The following TM9SF2 variants were observed in gnomAD, a reference collection of about 807,000 sequenced individuals.
TM9SF2 encodes transmembrane 9 superfamily member 2, also known as 76 kDa membrane protein.
A neutral mutation model predicts 84.9 loss-of-function variants in TM9SF2; 13 were observed. That is an observed-to-expected ratio of 0.15 (90% CI 0.10 to 0.24). The LOEUF (loss-of-function observed/expected upper bound fraction) is 0.24. Ranked by LOEUF, TM9SF2 falls within the 10% of genes least tolerant of loss-of-function variation. TM9SF2 has a pLI of 1.00. For missense variants in TM9SF2, 562 were observed against 818.5 expected, an observed-to-expected ratio of 0.69 and a Z score of 3.82; for synonymous variants, 273 against 285.8, an observed-to-expected ratio of 0.96 and a Z score of 0.45.
In TM9SF2 at chr13:99,559,257, T is replaced by C. The variant is rs117186308; in HGVS notation, c.1753-106T>C. 4.6e-4 allele frequency: 432 copies of C among 940,496 alleles called. 5 individuals are homozygous for C. In the East Asian group the frequency reaches 0.012, roughly 26 times the overall value. 58.3% of individuals were successfully genotyped at this position (940,496 alleles called of 1,614,324 possible). A position where few individuals can be genotyped will look rare whatever the true frequency, so the allele number is the denominator to read the frequency against. ...AGAGCCTGGAACTGATAGCAGAAAT[T>C]AGATTGGGGGCTGTCTCATTTATTA... On this transcript the variant is annotated intron_variant, in intron 15 of 16. Transcript: ENST00000376387.
At position 99,563,204 on chromosome 13, in the gene TM9SF2, A is replaced by T. The variant is rs987428083; in HGVS notation, c.*446A>T. On this transcript the variant is annotated 3_prime_UTR_variant, in exon 17 of 17. Transcript: ENST00000376387. ...TTTATCATGGTAATTTTGAAGGATG[A>T]TTCCTATGATGTGTTCACCAGGGGA... 1 of 154,384 alleles carries T rather than the reference A, an allele frequency of 6.5e-6. No individual in the cohort carries two copies. Among genetic ancestry groups the T allele is most frequent in the Non-Finnish European group, 1.4e-5 (1 of 69,608 alleles). The allele number at this position is 154,384 out of a possible 1,614,324, so 9.6% of individuals were successfully genotyped here. A position where few individuals can be genotyped will look rare whatever the true frequency, so the allele number is the denominator to read the frequency against.
chr13:99,563,443 T>A lies in TM9SF2; in HGVS notation c.*685T>A, dbSNP rs1209916636. On this transcript the variant is annotated 3_prime_UTR_variant, in exon 17 of 17. Coordinates refer to ENST00000376387, the MANE Select transcript of TM9SF2 (RefSeq NM_004800.3). ...TTCAAGGAGGTTCTGTAAATACAGATCTATTTACCAAGGTGTTTTGAAATG... is the reference window on the plus strand; with the variant it reads ...TTCAAGGAGGTTCTGTAAATACAGAACTATTTACCAAGGTGTTTTGAAATG... 2 of 152,242 alleles carry A rather than the reference T, an allele frequency of 1.3e-5. No individual in the cohort carries two copies. The highest frequency in any genetic ancestry group is 2.9e-5 in the Non-Finnish European group (2 of 68,040). The allele number at this position is 152,242 out of a possible 1,614,324, so 9.4% of individuals were successfully genotyped here.
chr13:99,560,437 C>T (rs544721200), intron 16 of TM9SF2, among the ~76,000 whole-genome samples: 2 of 152,148 alleles, frequency 1.3e-5, no homozygotes, highest in African/African-American at 4.8e-5. Context: ...TGTCTTGGTG[C>T]TACGTGATAA....
chr13:99,534,879 G>A (rs2046227091), intron 4 of TM9SF2, among the ~76,000 whole-genome samples: 1 of 152,180 alleles, frequency 6.6e-6, no homozygotes, highest in Non-Finnish European at 1.5e-5. Flanking sequence ...GCCAGGCGTG[G>A]TGGCTCACAC....
At chr13:99,538,551 T>C (rs536637183) in intron 6 of TM9SF2, among the ~76,000 whole-genome samples, 4 of 152,070 alleles carry the variant, frequency 2.6e-5, no homozygotes, top group Admixed American at 2.0e-4. Flanking sequence ...TCTGAACACT[T>C]TGGGAAGGCC....
intron 15 of TM9SF2, among the ~76,000 whole-genome samples, chr13:99,559,056 G>A (rs2046334902): frequency 6.6e-6 from 1 of 152,120 alleles, no homozygotes; most frequent in East Asian, 1.9e-4. Context: ...TTTGCACATC[G>A]CTTTTCTTTG....
At chr13:99,554,193 C>T in intron 13 of TM9SF2, 111 bp from the exon 14 acceptor site, 1 of 1,281,990 alleles carries the variant, frequency 7.8e-7, no homozygotes, top group South Asian at 1.5e-5. Flanking sequence ...ACTTTATTGC[C>T]ATTAGTGACA....
At chr13:99,544,023 A>G (rs753638220) in intron 10 of TM9SF2, 28 bp downstream of exon 10, 1 of 1,608,888 alleles carries the variant, frequency 6.2e-7, no homozygotes, top group Non-Finnish European at 8.5e-7. Context: ...ATTTTCAAGT[A>G]GAAAATACTT....
rs189326351 is a variant in TM9SF2, at chr13:99,529,200, G to C, written c.334-267G>C. 2.2e-3 allele frequency among the ~76,000 whole-genome samples: 337 copies of C among 152,008 alleles called. 1 individual carries two copies. Among genetic ancestry groups the C allele is most frequent in the Admixed American group, 3.4e-3 (52 of 15,268 alleles). ...ACATGGGATTTTTTTTTCTCTTCTAGAACTTATTTACATTTAAAAGGTAAG... is the reference window on the plus strand; with the variant it reads ...ACATGGGATTTTTTTTTCTCTTCTACAACTTATTTACATTTAAAAGGTAAG... On this transcript the variant is annotated intron_variant, in intron 3 of 16. Coordinates refer to ENST00000376387, the MANE Select transcript of TM9SF2 (RefSeq NM_004800.3).
chr13:99,539,371 A>G (rs1469584052), intron 6 of TM9SF2, 75 bp from the exon 7 acceptor site: 3 of 894,088 alleles, frequency 3.4e-6, no homozygotes, highest in Admixed American at 4.0e-5. Context: ...AAATACGTAC[A>G]AAATCTGTAA....
At chr13:99,540,650 T>A in intron 7 of TM9SF2, 64 bp from the exon 8 acceptor site, 1 of 1,363,762 alleles carries the variant, frequency 7.3e-7, no homozygotes, top group Non-Finnish European at 1.0e-6. Flanking sequence ...GAATGGGATT[T>A]TTTTTTGTTC....
At chr13:99,559,725 G>A (rs2046336841) in intron 16 of TM9SF2, among the ~76,000 whole-genome samples, 191 bp downstream of exon 16, 1 of 152,126 alleles carries the variant, frequency 6.6e-6, no homozygotes, top group Non-Finnish European at 1.5e-5. Context: ...CAGAAGCTGG[G>A]GAAGAAGGCT....
rs768020705 is a variant in TM9SF2 at position 99,549,103 on chromosome 13, A to G, written c.1271-62A>G. On this transcript the variant is annotated intron_variant, in intron 11 of 16. Coordinates refer to ENST00000376387, the MANE Select transcript of TM9SF2 (RefSeq NM_004800.3). ...GTTTGGCAAATATCAGACTTGTAAT[A>G]TGGATATTTGGTTTGCTTTAAAGAA... is the stretch of plus-strand genomic sequence containing the variant. The G allele has an allele frequency of 6.8e-5, 97 of 1,426,474 alleles. 1 individual carries two copies. Among genetic ancestry groups the G allele is most frequent in the South Asian group, 5.8e-4 (49 of 84,408 alleles). The allele number at this position is 1,426,474 out of a possible 1,614,324, so 88.4% of individuals were successfully genotyped here. A position where few individuals can be genotyped will look rare whatever the true frequency, so the allele number is the denominator to read the frequency against.
intron 12 of TM9SF2, among the ~76,000 whole-genome samples, chr13:99,550,982 G>T (rs934704807): frequency 1.3e-5 from 2 of 152,110 alleles, no homozygotes; most frequent in African/African-American, 4.8e-5. Flanking sequence ...TGTATACAAA[G>T]AACACCAACA....
intron 3 of TM9SF2, 53 bp from the exon 4 acceptor site, chr13:99,529,414 T>C: frequency 2.8e-6 from 4 of 1,451,290 alleles, no homozygotes; most frequent in Non-Finnish European, 3.6e-6. Context: ...GATATTGGTA[T>C]GAAAAACCTG....
At chr13:99,519,952 C>A in intron 2 of TM9SF2, 84 bp from the exon 3 acceptor site, 1 of 1,204,546 alleles carries the variant, frequency 8.3e-7, no homozygotes, top group Non-Finnish European at 1.2e-6. Context: ...ATGATCAGTA[C>A]CTAATCTGCT....
intron 4 of TM9SF2, among the ~76,000 whole-genome samples, chr13:99,535,346 G>A (rs1594054515): frequency 6.6e-6 from 1 of 152,044 alleles, no homozygotes; most frequent in Admixed American, 6.6e-5. Context: ...TTTTTATGTA[G>A]TACTTTCCCT....
chr13:99,542,767 C>G (rs2046266362), intron 9 of TM9SF2, among the ~76,000 whole-genome samples: 1 of 152,096 alleles, frequency 6.6e-6, no homozygotes, highest in Admixed American at 6.5e-5. Flanking sequence ...TTGGCTGTTC[C>G]ACATAATTGC....
At chr13:99,541,536 T>A in intron 8 of TM9SF2, 23 bp from the exon 9 acceptor site, 1 of 1,543,822 alleles carries the variant, frequency 6.5e-7, no homozygotes, top group Non-Finnish European at 8.9e-7. Context: ...TACAGATTAC[T>A]CATGATGTGC....
Sources: allele counts gnomAD v4.1 joint callset (sites outside exome capture counted in the v4.1 genomes callset), GRCh38; gene constraint gnomAD v4.1.1; transcripts MANE v1.5; gene names NCBI Gene and HGNC (gene_info 2026-07-23, HGNC 2026-07-21).